The following FOXO3B variants were observed in gnomAD, a reference collection of about 807,000 sequenced individuals.
FOXO3B encodes the protein forkhead box protein O3B.
Under a neutral mutation model 21.9 loss-of-function variants are expected in FOXO3B, and 15 were observed. The ratio of observed to expected loss-of-function variants is 0.68; its 90% CI spans 0.46 to 1.05. The LOEUF is 1.05. Among genes scored for constraint, FOXO3B ranks in the 50% least tolerant of loss-of-function variants. The pLI, the probability that FOXO3B is intolerant of heterozygous loss-of-function variation, is 0.00. For synonymous variants in FOXO3B, 135 were observed against 213.6 expected, an observed-to-expected ratio of 0.63 and a Z score of 3.21; for missense variants, 293 against 435.5, an observed-to-expected ratio of 0.67 and a Z score of 2.91.
chr17:18,677,446 T>C, intron 3 of FOXO3B: 1 of 1,614,168 alleles, frequency 6.2e-7, no homozygotes, highest in Admixed American at 1.7e-5. Context: ...ATCAAGTGCC[T>C]GCTGATCCAC....
At chr17:18,677,489 G>A (rs2032512025) in intron 3 of FOXO3B, 10 of 1,613,938 alleles carry the variant, frequency 6.2e-6, no homozygotes, top group Non-Finnish European at 7.6e-6. Flanking sequence ...ACGAGGAGGC[G>A]GGCCGCCTGC....
rs1263600627 is a variant in FOXO3B, at chr17:18,669,408, ATG to A, written c.*2899_*2900del. On this transcript the variant is annotated 3_prime_UTR_variant, in exon 4 of 4. Coordinates refer to ENST00000395675, the MANE Select transcript of FOXO3B (RefSeq NM_001368135.1). Reference sequence around the variant, plus strand: ...ATATATTTATACATTTATACGCCTAATGCTTTTTATGCAAAGAAAAGAGTCTT... The same window carrying A: ...ATATATTTATACATTTATACGCCTAACTTTTTATGCAAAGAAAAGAGTCTT... 1.3e-5 allele frequency: 2 copies of A among 151,484 alleles called. No individual in the cohort carries two copies. The highest frequency in any genetic ancestry group is 4.9e-5 in the African/African-American group (2 of 40,504). The allele number at this position is 151,484 out of a possible 1,614,324, so 9.4% of individuals were successfully genotyped here.
rs1361091488 is a variant in FOXO3B at position 18,672,646 on chromosome 17, A to G, written c.536T>C (p.Leu179Pro). ...GSRTLVSGLLLEDSVRVLAPG... is the reference protein window; with the variant it reads ...GSRTLVSGLLPEDSVRVLAPG... ...TGCCAGCACCCGGACCGAGTCCTCA[A>G]GGAGCAGCCCGGAGACCAGCGTGCG... Residue 179 changes from leucine to proline, a missense_variant, in exon 4 of 4, where the codon CTT becomes CCT. By Grantham distance (98) the Leu-to-Pro change is moderately conservative. Coordinates refer to ENST00000395675, the MANE Select transcript of FOXO3B (RefSeq NM_001368135.1). This position sits in a 1 kb window ranked among gnomAD's most constrained non-coding sequence, Gnocchi z 4.2. The G allele has an allele frequency of 3.4e-6, 5 of 1,484,236 alleles. No individual in the cohort carries two copies. In the East Asian group the frequency reaches 7.6e-5, roughly 23 times the overall value. 91.9% of individuals were successfully genotyped at this position (1,484,236 alleles called of 1,614,324 possible).
rs187645464 is a variant in FOXO3B at position 18,672,136 on chromosome 17, C to T, written c.*173G>A. 61 of 1,612,432 alleles carry T rather than the reference C, an allele frequency of 3.8e-5. No homozygotes were observed. The East Asian group carries it at 1.3e-3, about 33-fold the overall frequency. On this transcript the variant is annotated 3_prime_UTR_variant, in exon 4 of 4. Coordinates refer to ENST00000395675, the MANE Select transcript of FOXO3B (RefSeq NM_001368135.1). This position sits in a 1 kb window ranked among gnomAD's most constrained non-coding sequence, Gnocchi z 4.2. ...TGCCTTCTTCTTGGCTGTGCGGCCA[C>T]GGCTCTTGGTATACTTGTTGCTATT...
At chr17:18,676,520 A>G (rs1455602952) in intron 3 of FOXO3B, among the ~76,000 whole-genome samples, 1 of 152,210 alleles carries the variant, frequency 6.6e-6, no homozygotes, top group African/African-American at 2.4e-5. Context: ...TGTGAACTTT[A>G]AAAAATCAGA....
At chr17:18,677,593 G>A (rs1458948683) in intron 3 of FOXO3B, 14 of 1,603,720 alleles carry the variant, frequency 8.7e-6, no homozygotes, top group Non-Finnish European at 1.2e-5. Context: ...GCCAAAGCCG[G>A]GCGGGCCCTG....
rs1015701912 is a variant in FOXO3B at position 18,670,358 on chromosome 17, C to A, written c.*1951G>T. On this transcript the variant is annotated 3_prime_UTR_variant, in exon 4 of 4. Transcript: ENST00000395675. ...ATTTGTTAGTTTATGGAGTTCCATGCGCTCAAAAGCTTGTGATGCTCAAAC... is the reference window on the plus strand; with the variant it reads ...ATTTGTTAGTTTATGGAGTTCCATGAGCTCAAAAGCTTGTGATGCTCAAAC... Among the ~76,000 whole-genome samples, 4 of 152,180 alleles carry A rather than the reference C, an allele frequency of 2.6e-5. No homozygotes were observed. The highest frequency in any genetic ancestry group is 5.9e-5 in the Non-Finnish European group (4 of 68,042).
chr17:18,670,883 T>G lies in FOXO3B; in HGVS notation c.*1426A>C. 6.3e-7 allele frequency: 1 copy of G among 1,584,172 alleles called. No homozygotes were observed. The highest frequency in any genetic ancestry group is 1.2e-5 in the South Asian group (1 of 85,490). ...CAGTTTGAGGGTCTGCTTTGCCCAC[T>G]TCCCCTTCCTCAGTGATCCTTCAGC... On this transcript the variant is annotated 3_prime_UTR_variant, in exon 4 of 4. Transcript: ENST00000395675.
At position 18,670,841 on chromosome 17, in the gene FOXO3B, C is replaced by T. The variant is rs1296378474; in HGVS notation, c.*1468G>A. ...GAGAGCAGATTTGGCAAAGGGTTTT[C>T]TCTGTAGGTCTTGTGTCAGTTTGAG... On this transcript the variant is annotated 3_prime_UTR_variant, in exon 4 of 4. Transcript: ENST00000395675. 16 of 1,537,602 alleles carry T rather than the reference C, an allele frequency of 1.0e-5. No homozygotes were observed. Among genetic ancestry groups the T allele is most frequent in the Non-Finnish European group, 1.4e-5 (16 of 1,130,886 alleles).
chr17:18,677,283 C>A, intron 3 of FOXO3B: 1 of 1,613,332 alleles, frequency 6.2e-7, no homozygotes, highest in South Asian at 1.1e-5. Flanking sequence ...CATGAAACTC[C>A]TGCTGGGGAA....
intron 3 of FOXO3B, among the ~76,000 whole-genome samples, chr17:18,676,328 T>A (rs1384733186): frequency 1.3e-5 from 2 of 152,112 alleles, no homozygotes; most frequent in Admixed American, 1.3e-4. Context: ...TCCAGTTATC[T>A]CCCTAAACCA....
At chr17:18,673,113 T>A (rs1300560073) in intron 3 of FOXO3B, 58 bp from the exon 4 acceptor site, 23 of 1,443,314 alleles carry the variant, frequency 1.6e-5, no homozygotes, top group Non-Finnish European at 2.0e-5. Context: ...CGGAGCCCCG[T>A]CCTCGGCGAG....
Position 18,672,796 on chromosome 17 carries a change from G to A in FOXO3B, c.386C>T (p.Pro129Leu), listed in dbSNP as rs1217765814. Reference protein sequence around the residue: ...PLQRPELQASPAKPSGETAAD... With the variant: ...PLQRPELQASLAKPSGETAAD... Reference sequence around the variant, plus strand: ...GGCCGTCTCCCCCGAGGGCTTGGCAGGGCTCGCTTGGAGCTCCGGCCTTTG... The same window carrying A: ...GGCCGTCTCCCCCGAGGGCTTGGCAAGGCTCGCTTGGAGCTCCGGCCTTTG... Residue 129 changes from proline to leucine, a missense_variant, in exon 4 of 4, where the codon CCT becomes CTT. Physicochemically the swap from Pro to Leu is moderately conservative, Grantham distance 98. Transcript: ENST00000395675. This position sits in a 1 kb window ranked among gnomAD's most constrained non-coding sequence, Gnocchi z 4.2. The A allele has an allele frequency of 6.4e-7, 1 of 1,559,308 alleles. No individual in the cohort carries two copies. Among genetic ancestry groups the A allele is most frequent in the African/African-American group, 1.4e-5 (1 of 71,784 alleles).
At position 18,677,684 on chromosome 17, in the gene FOXO3B, G is replaced by C. The variant is rs1177427987; in HGVS notation, c.126+3057C>G. On this transcript the variant is annotated intron_variant, in intron 3 of 3. Transcript: ENST00000395675. ...GGGCTGAGGGTCCCATGGCCAAGAA[G>C]CATGCTGGCGAGCGCGATAAGAAGC... 2.5e-5 allele frequency: 40 copies of C among 1,604,720 alleles called. 1 individual carries two copies. Among genetic ancestry groups the C allele is most frequent in the Non-Finnish European group, 3.4e-5 (40 of 1,177,436 alleles).
At chr17:18,682,048 G>A (rs2032596515) in intron 1 of FOXO3B, 156 bp downstream of exon 1, 1 of 599,940 alleles carries the variant, frequency 1.7e-6, no homozygotes, top group Non-Finnish European at 3.0e-6. Context: ...CCCCCGAGGA[G>A]AGGATCAGGC....
At chr17:18,677,644 CA>C in intron 3 of FOXO3B, 1 of 1,608,704 alleles carries the variant, frequency 6.2e-7, no homozygotes, top group Non-Finnish European at 8.5e-7. Context: ...TCTGGGGCCC[CA>C]GGGGGCTTGG....
chr17:18,677,226 T>G, intron 3 of FOXO3B: 2 of 1,538,650 alleles, frequency 1.3e-6, no homozygotes, highest in African/African-American at 1.4e-5. Flanking sequence ...TATGTATCTA[T>G]CCTCTGATAA....
intron 3 of FOXO3B, among the ~76,000 whole-genome samples, chr17:18,673,721 G>A (rs1423316416): frequency 6.6e-6 from 1 of 151,796 alleles, no homozygotes. Flanking sequence ...AATGTTCCAA[G>A]CAGAGTGATG....
Position 18,670,881 on chromosome 17 carries a change from A to G in FOXO3B, c.*1428T>C, listed in dbSNP as rs2032351564. 13 of 1,585,540 alleles carry G rather than the reference A, an allele frequency of 8.2e-6. No homozygotes were observed. The highest frequency in any genetic ancestry group is 1.1e-5 in the Non-Finnish European group (13 of 1,165,354). On this transcript the variant is annotated 3_prime_UTR_variant, in exon 4 of 4. Coordinates refer to ENST00000395675, the MANE Select transcript of FOXO3B (RefSeq NM_001368135.1). ...GTCAGTTTGAGGGTCTGCTTTGCCC[A>G]CTTCCCCTTCCTCAGTGATCCTTCA...
Sources: gnomAD v4.1 joint callset for allele counts (sites outside exome capture counted in the v4.1 genomes callset) on GRCh38, gnomAD v4.1.1 for gene constraint, Gnocchi (gnomAD v3.1) non-coding constraint, MANE v1.5 for transcripts, NCBI Gene and HGNC (gene_info 2026-07-23, HGNC 2026-07-21) for gene names.